Variants in DNM1L observed in about 807,000 individuals in gnomAD.
DNM1L encodes the protein dynamin 1L.
Under a neutral mutation model 92.8 loss-of-function variants are expected in DNM1L, and 33 were observed. The observed-to-expected ratio is 0.36, with a 90% CI of 0.27 to 0.48. The LOEUF is 0.48. Ranked by LOEUF, DNM1L falls within the 20% of genes least tolerant of loss-of-function variation. DNM1L has a pLI of 0.99. For synonymous variants in DNM1L, 284 were observed against 305.0 expected (o/e 0.93, Z 0.72); for missense variants, 485 against 888.8 (o/e 0.55, Z 5.78).
At chr12:32,737,580 C>A (rs1350517222) in intron 14 of DNM1L, 6 of 436,054 alleles carry the variant, frequency 1.4e-5, no homozygotes, top group Non-Finnish European at 2.5e-5. Flanking sequence ...GTATAAAAAT[C>A]TTTTACCTTG....
intron 5 of DNM1L, 50 bp from the exon 6 acceptor site, chr12:32,713,159 C>A: frequency 1.9e-6 from 3 of 1,602,526 alleles, no homozygotes; most frequent in Non-Finnish European, 2.6e-6. Flanking sequence ...GGTAAAAAAG[C>A]TGAGTTGATT....
intron 9 of DNM1L, among the ~76,000 whole-genome samples, chr12:32,724,586 A>AT (rs1161560500): frequency 1.5e-3 from 101 of 69,550 alleles, no homozygotes; most frequent in Non-Finnish European, 3.4e-3. Flanking sequence ...CAAAAAAAAA[A>AT]AAAAAAAATA....
chr12:32,718,969 T>C (rs963944210), intron 7 of DNM1L, among the ~76,000 whole-genome samples: 1 of 149,722 alleles, frequency 6.7e-6, no homozygotes, highest in African/African-American at 2.5e-5. Context: ...TTTTTTTTTT[T>C]GAAATAGGGT....
chr12:32,681,570 C>G (rs1235345213), intron 1 of DNM1L, among the ~76,000 whole-genome samples: 1 of 143,818 alleles, frequency 7.0e-6, no homozygotes, highest in Non-Finnish European at 1.5e-5. Context: ...ACACCGCCCC[C>G]CCCGCCCCTA....
chr12:32,739,127 T>G (rs1055222139), intron 16 of DNM1L, among the ~76,000 whole-genome samples: 1 of 151,716 alleles, frequency 6.6e-6, no homozygotes, highest in Non-Finnish European at 1.5e-5. Context: ...TATATTTAAA[T>G]GTAGTTCACC....
chr12:32,699,931 A>G (rs1180682912), intron 1 of DNM1L, among the ~76,000 whole-genome samples: 1 of 152,122 alleles, frequency 6.6e-6, no homozygotes, highest in Non-Finnish European at 1.5e-5. Context: ...ATGAATGCTT[A>G]AAATCTGTAT....
In DNM1L at chr12:32,743,500, ATTGCAATGGTATGAATC is replaced by A. The variant is rs1455699249; in HGVS notation, c.*92_*108del. ...GAATCTTATTTATGAACTCCTGTGT[ATTGCAATGGTATGAATC>A]TGCTCATGTGGAGACTGGCTATAAA... On this transcript the variant is annotated 3_prime_UTR_variant, in exon 20 of 20. Coordinates refer to ENST00000549701, the MANE Select transcript of DNM1L (RefSeq NM_012062.5). 1 of 1,250,392 alleles carries A rather than the reference ATTGCAATGGTATGAATC, an allele frequency of 8.0e-7. No homozygotes were observed. The highest frequency in any genetic ancestry group is 1.8e-5 in the Admixed American group (1 of 56,656). 77.5% of individuals were successfully genotyped at this position (1,250,392 alleles called of 1,614,324 possible). A position where few individuals can be genotyped will look rare whatever the true frequency, so the allele number is the denominator to read the frequency against.
intron 9 of DNM1L, chr12:32,727,348 C>G: frequency 1.3e-6 from 1 of 792,262 alleles, no homozygotes; most frequent in South Asian, 1.3e-5. Flanking sequence ...ACTACCCTAG[C>G]TAGGCAGGTT....
intron 1 of DNM1L, among the ~76,000 whole-genome samples, chr12:32,682,603 A>G (rs1227964075): frequency 1.3e-5 from 2 of 152,166 alleles, no homozygotes; most frequent in Admixed American, 6.5e-5. Context: ...ATACTGGAAA[A>G]AGCAGGAAAA....
intron 1 of DNM1L, among the ~76,000 whole-genome samples, chr12:32,689,892 A>G (rs1396506111): frequency 1.3e-5 from 2 of 152,242 alleles, no homozygotes; most frequent in African/African-American, 4.8e-5. Context: ...GTTTGGAAGA[A>G]ACTAAAACTA....
At chr12:32,713,157 A>G in intron 5 of DNM1L, 52 bp from the exon 6 acceptor site, 3 of 1,600,560 alleles carry the variant, frequency 1.9e-6, no homozygotes, top group Non-Finnish European at 2.6e-6. Flanking sequence ...TGGGTAAAAA[A>G]GCTGAGTTGA....
At position 32,732,000 on chromosome 12, in the gene DNM1L, G is replaced by C; in HGVS notation, c.1446+57G>C. ...ACTATTAGTAAAAGTTTAAATTTTT[G>C]CTTGGCTGCTTTTTAATAAGCATTA... On this transcript the variant is annotated intron_variant, in intron 12 of 19. Coordinates refer to ENST00000549701, the MANE Select transcript of DNM1L (RefSeq NM_012062.5). This position sits in a 1 kb window ranked among gnomAD's most constrained non-coding sequence, Gnocchi z 5.1. The C allele has an allele frequency of 7.5e-7, 1 of 1,336,640 alleles. No homozygotes were observed. Among genetic ancestry groups the C allele is most frequent in the South Asian group, 1.2e-5 (1 of 84,748 alleles). 82.8% of individuals were successfully genotyped at this position (1,336,640 alleles called of 1,614,324 possible). A position where few individuals can be genotyped will look rare whatever the true frequency, so the allele number is the denominator to read the frequency against.
intron 9 of DNM1L, among the ~76,000 whole-genome samples, chr12:32,724,590 AAAAATAT>A (rs1301811022): frequency 0.01 from 603 of 58,070 alleles, 2 homozygotes; most frequent in Middle Eastern, 0.026. Context: ...AAAAAAAAAA[AAAAATAT>A]ATATATATAT....
chr12:32,697,664 G>C (rs1209127797), intron 1 of DNM1L, among the ~76,000 whole-genome samples: 1 of 152,110 alleles, frequency 6.6e-6, no homozygotes, highest in Non-Finnish European at 1.5e-5. Context: ...GTTTATGTTA[G>C]GGGTGGGTGA....
At chr12:32,687,672 A>G (rs1592565815) in intron 1 of DNM1L, among the ~76,000 whole-genome samples, 1 of 150,578 alleles carries the variant, frequency 6.6e-6, no homozygotes, top group African/African-American at 2.4e-5. Flanking sequence ...CTGGTCTTGA[A>G]CTCCTGACCT....
At chr12:32,737,478 TATA>T (rs1188188678) in intron 14 of DNM1L, 4 of 388,714 alleles carry the variant, frequency 1.0e-5, no homozygotes, top group South Asian at 3.0e-5. Flanking sequence ...AAGATTTTAT[TATA>T]ATAAGAGGGT....
Position 32,743,438 on chromosome 12 carries a change from T to C in DNM1L, c.*28T>C, listed in dbSNP as rs769910491. On this transcript the variant is annotated 3_prime_UTR_variant, in exon 20 of 20. Transcript: ENST00000549701. ...AGAACTATGTAATACTGAGACTTTG[T>C]TGACTCAAAACTTGCTAGTTACTGC... 6.2e-7 allele frequency: 1 copy of C among 1,611,030 alleles called. No individual in the cohort carries two copies. Among genetic ancestry groups the C allele is most frequent in the Admixed American group, 1.7e-5 (1 of 60,014 alleles).
chr12:32,703,057 CTTTT>C (rs781211967), intron 2 of DNM1L, among the ~76,000 whole-genome samples: 1 of 139,854 alleles, frequency 7.2e-6, no homozygotes, highest in Non-Finnish European at 1.5e-5. Flanking sequence ...CTCTCTCTCT[CTTTT>C]TTTTTTTTTT....
At position 32,744,333 on chromosome 12, in the gene DNM1L, A is replaced by G. The variant is rs1488422076; in HGVS notation, c.*923A>G. On this transcript the variant is annotated 3_prime_UTR_variant, in exon 20 of 20. Transcript: ENST00000549701. The stretch of plus-strand genomic sequence containing the variant: ...TAAAACCAGTGTACTGTATGTATGC[A>G]TTGGTAATAGCTACTTTTGCTTCAT... The G allele has an allele frequency of 1.3e-5, 2 of 153,922 alleles. No homozygotes were observed. Among genetic ancestry groups the G allele is most frequent in the Non-Finnish European group, 2.9e-5 (2 of 69,428 alleles). The allele number at this position is 153,922 out of a possible 1,614,324, so 9.5% of individuals were successfully genotyped here.
Sources: allele counts gnomAD v4.1 joint callset (sites outside exome capture counted in the v4.1 genomes callset), GRCh38; gene constraint gnomAD v4.1.1; non-coding constraint Gnocchi (gnomAD v3.1); transcripts MANE v1.5; gene names NCBI Gene and HGNC (gene_info 2026-07-23, HGNC 2026-07-21).